The following ACSF3 variants were observed in gnomAD, a reference collection of about 807,000 sequenced individuals.
ACSF3 encodes acyl-CoA synthetase family member 3, also known as malonate--CoA ligase ACSF3, mitochondrial.
Under a neutral mutation model 53.2 loss-of-function variants are expected in ACSF3, and 78 were observed. That is an observed-to-expected ratio of 1.47 (90% confidence interval 1.22 to 1.77). The LOEUF is 1.77. Ranked by LOEUF, ACSF3 falls within the 40% of genes most tolerant of loss-of-function variation. The pLI is 0.00. For missense variants in ACSF3, 937 were observed against 771.1 expected (o/e 1.22, Z -2.55); for synonymous variants, 414 against 333.1 (o/e 1.24, Z -2.65).
intron 8 of ACSF3, among the ~76,000 whole-genome samples, chr16:89,134,689 G>A (rs1366974718): frequency 6.6e-6 from 1 of 152,238 alleles, no homozygotes; most frequent in Non-Finnish European, 1.5e-5. Flanking sequence ...GTGCTCTGAG[G>A]AGATAGATGA....
intron 9 of ACSF3, 23 bp downstream of exon 9, chr16:89,145,424 G>A (rs759461790): frequency 1.9e-6 from 3 of 1,613,492 alleles, no homozygotes; most frequent in African/African-American, 1.3e-5. Context: ...ACTTGGGCCA[G>A]GGAGGCCAGG....
rs141517318 is a variant in ACSF3, at chr16:89,101,008, C to T, written c.327C>T (p.Val109=). 136 of 1,613,628 alleles carry T rather than the reference C, an allele frequency of 8.4e-5. No individual in the cohort carries two copies. In the African/African-American group the frequency reaches 9.6e-4, roughly 11 times the overall value. Residue 109 remains valine, a synonymous_variant, in exon 3 of 11, where the codon GTC becomes GTT. Coordinates refer to ENST00000614302, the MANE Select transcript of ACSF3 (RefSeq NM_001243279.3). ...TATGCGCTAACGATGCCTCCTACGT[C>T]GTGGCCCAGTGGGCGTCATGGATGA... is the stretch of plus-strand genomic sequence containing the variant. The part of the protein sequence containing the change: ...SFLCANDASY[V]VAQWASWMSG...
At chr16:89,123,930 G>A (rs1049495966) in intron 7 of ACSF3, among the ~76,000 whole-genome samples, 3 of 152,024 alleles carry the variant, frequency 2.0e-5, no homozygotes, top group Non-Finnish European at 4.4e-5. Flanking sequence ...GTGCGCGCAC[G>A]GGTATCACAG....
chr16:89,136,076 G>T (rs1028165518), intron 8 of ACSF3, among the ~76,000 whole-genome samples: 4 of 152,238 alleles, frequency 2.6e-5, no homozygotes, highest in African/African-American at 9.6e-5. Flanking sequence ...CGTCTGGCCG[G>T]TTCTTGTATT....
At chr16:89,140,926 A>G in intron 8 of ACSF3, 1 of 474,852 alleles carries the variant, frequency 2.1e-6, no homozygotes, top group Non-Finnish European at 3.4e-6. Context: ...GTCAGAAGAA[A>G]ACTCCTTTAA....
In ACSF3 at chr16:89,120,810, G is replaced by A; in HGVS notation, c.1136G>A (p.Gly379Glu). The change falls in exon 7 of 11, where the codon GGG (glycine) becomes GAG (glutamate). Residue 379 changes from glycine (G) to glutamate (E), a missense_variant. Gly to Glu is a moderately conservative substitution (Grantham distance 98). Coordinates refer to ENST00000614302, the MANE Select transcript of ACSF3 (RefSeq NM_001243279.3). ...TTCTCCTCTCCTGTAGGTTCCGTGGGGACCCCACTGCCTGGAGTACAGGTG... is the reference window on the plus strand; with the variant it reads ...TTCTCCTCTCCTGTAGGTTCCGTGGAGACCCCACTGCCTGGAGTACAGGTG... ...TTAVRLPGSV[G>E]TPLPGVQVRI... The A allele has an allele frequency of 6.2e-7, 1 of 1,614,042 alleles. No homozygotes were observed. The highest frequency in any genetic ancestry group is 1.1e-5 in the South Asian group (1 of 91,088).
chr16:89,107,540 T>G (rs1223812052), intron 4 of ACSF3, among the ~76,000 whole-genome samples: 4 of 152,250 alleles, frequency 2.6e-5, no homozygotes. Context: ...GTGTGTTACA[T>G]CAAATGCAGT....
chr16:89,141,952 A>G (rs1321582561), intron 8 of ACSF3, among the ~76,000 whole-genome samples: 1 of 152,168 alleles, frequency 6.6e-6, no homozygotes, highest in Non-Finnish European at 1.5e-5. Flanking sequence ...TCAGTCCTGC[A>G]CTGATTGGCT....
intron 6 of ACSF3, among the ~76,000 whole-genome samples, chr16:89,118,711 C>T (rs1905834967): frequency 6.6e-6 from 1 of 152,246 alleles, no homozygotes; most frequent in African/African-American, 2.4e-5. Flanking sequence ...CTCAGAGGTG[C>T]TCACGGCTCC....
chr16:89,151,670 G>A (rs973843975), intron 10 of ACSF3: 9 of 178,452 alleles, frequency 5.0e-5, no homozygotes, highest in African/African-American at 7.2e-5. Context: ...GCAGTGGCAC[G>A]ATCTCCGCTC....
chr16:89,130,979 C>G (rs1478037522), intron 7 of ACSF3, among the ~76,000 whole-genome samples: 1 of 152,082 alleles, frequency 6.6e-6, no homozygotes, highest in Non-Finnish European at 1.5e-5. Context: ...GCTCCTGAAC[C>G]AATCCATGAG....
At chr16:89,121,640 G>A (rs966879243) in intron 7 of ACSF3, among the ~76,000 whole-genome samples, 1 of 152,196 alleles carries the variant, frequency 6.6e-6, no homozygotes, top group Admixed American at 6.5e-5. Flanking sequence ...ACACATGATT[G>A]ACTGTGTTGC....
At position 89,145,370 on chromosome 16, in the gene ACSF3, G is replaced by C. The variant is rs147538370; in HGVS notation, c.1470G>C (p.Glu490Asp). Reference protein sequence around the residue: ...GGYKVSALEVEWHLLAHPSIT... With the variant: ...GGYKVSALEVDWHLLAHPSIT... ...ACAAGGTCAGCGCCCTGGAGGTGGA[G>C]TGGCACCTGCTGGCCCACCCCAGCA... Residue 490 changes from glutamate to aspartate, a missense_variant, in exon 9 of 11, where the codon GAG (glutamate) becomes GAC (aspartate). By Grantham distance (45) the Glu-to-Asp change is conservative (BLOSUM62 2). Transcript: ENST00000614302. The C allele has an allele frequency of 1.5e-4, 238 of 1,614,200 alleles. No individual in the cohort carries two copies. In the Middle Eastern group the frequency reaches 3.1e-3, roughly 21 times the overall value.
At chr16:89,112,271 C>A in intron 5 of ACSF3, 25 bp downstream of exon 5, 2 of 1,612,744 alleles carry the variant, frequency 1.2e-6, no homozygotes, top group South Asian at 1.1e-5. Context: ...CCCACTTTCT[C>A]GTTCAGAAAG....
chr16:89,140,168 C>T (rs551807014), intron 8 of ACSF3, among the ~76,000 whole-genome samples: 1 of 152,288 alleles, frequency 6.6e-6, no homozygotes, highest in Admixed American at 6.5e-5. Flanking sequence ...CAGCACCTTC[C>T]CTCCTGCTGG....
At chr16:89,139,237 T>G (rs944612066) in intron 8 of ACSF3, among the ~76,000 whole-genome samples, 15 of 152,226 alleles carry the variant, frequency 9.9e-5, no homozygotes, top group African/African-American at 3.6e-4. Context: ...CAATTCCTCG[T>G]GGGCTGGGCT....
At chr16:89,153,330 G>C (rs1236113224) in intron 10 of ACSF3, 1 of 153,082 alleles carries the variant, frequency 6.5e-6, no homozygotes, top group East Asian at 1.9e-4. Context: ...CTTTAATGGT[G>C]AATGGAGGAG....
rs746334624 is a variant in ACSF3 at position 89,100,789 on chromosome 16, A to G, written c.108A>G (p.Pro36=). The G allele has an allele frequency of 3.1e-6, 5 of 1,611,788 alleles. No homozygotes were observed. Among genetic ancestry groups the G allele is most frequent in the Non-Finnish European group, 3.4e-6 (4 of 1,179,990 alleles). ...HRGSGLLHTA[P]VARSDRSAPV... The stretch of plus-strand genomic sequence containing the variant: ...GAAGTGGTCTTCTGCACACAGCCCC[A>G]GTGGCCCGCTCGGACAGGAGCGCCC... The change falls in exon 3 of 11, where the codon CCA becomes CCG. Residue 36 remains proline, a synonymous_variant. Coordinates refer to ENST00000614302, the MANE Select transcript of ACSF3 (RefSeq NM_001243279.3).
intron 8 of ACSF3, among the ~76,000 whole-genome samples, chr16:89,134,859 A>C (rs920144283): frequency 2.0e-5 from 3 of 152,196 alleles, no homozygotes; most frequent in African/African-American, 4.8e-5. Context: ...CGGCCTAGGA[A>C]ATCCAGCTAG....
Sources: gnomAD v4.1 joint callset for allele counts (sites outside exome capture counted in the v4.1 genomes callset) on GRCh38, gnomAD v4.1.1 for gene constraint, MANE v1.5 for transcripts, NCBI Gene and HGNC (gene_info 2026-07-23, HGNC 2026-07-21) for gene names.